Variants in SPAG16 observed in about 807,000 individuals in gnomAD.
The protein encoded by SPAG16 is sperm associated antigen 16, also known as sperm-associated antigen 16 protein.
In SPAG16, 86 loss-of-function variants were observed where a neutral mutation model predicts 80.4. That is an observed-to-expected ratio of 1.07 (90% CI 0.90 to 1.28). SPAG16 has a LOEUF of 1.28. SPAG16 is among the 50% of genes most tolerant of loss of function. The probability of loss-of-function intolerance (pLI) is 0.00; values close to 1 mark genes in which losing one functional copy is unlikely to be tolerated. For synonymous variants in SPAG16, 294 were observed against 265.9 expected (o/e 1.11, Z -1.03); for missense variants, 870 against 765.3 (o/e 1.14, Z -1.61).
In SPAG16 at chr2:214,034,804, C is replaced by T. The variant is rs577706740; in HGVS notation, c.1527+20727C>T. On this transcript the variant is annotated intron_variant, in intron 13 of 15. Coordinates refer to ENST00000331683, the MANE Select transcript of SPAG16 (RefSeq NM_024532.5). ...CTTAAGGAGCTCCTAGGTCTGGGCTCCCCTAAGGGCTGCAGATCTTCTCTC... is the reference window on the plus strand; with the variant it reads ...CTTAAGGAGCTCCTAGGTCTGGGCTTCCCTAAGGGCTGCAGATCTTCTCTC... Among the ~76,000 whole-genome samples, 6 of 152,272 alleles carry T rather than the reference C, an allele frequency of 3.9e-5. No individual in the cohort carries two copies. In the East Asian group the frequency reaches 9.7e-4, roughly 25 times the overall value.
chr2:214,169,138 C>T (rs1056093098), intron 15 of SPAG16, among the ~76,000 whole-genome samples: 5 of 151,896 alleles, frequency 3.3e-5, no homozygotes, highest in East Asian at 1.9e-4. Context: ...TGTTATATCA[C>T]GTAACTCATA....
At chr2:214,231,330 T>A (rs1030007905) in intron 15 of SPAG16, among the ~76,000 whole-genome samples, 3 of 152,034 alleles carry the variant, frequency 2.0e-5, no homozygotes, top group Non-Finnish European at 4.4e-5. Context: ...TGCATGTCTA[T>A]TATGACATGT....
rs148037912 is a variant in SPAG16 at position 214,108,744 on chromosome 2, C to T, written c.1593+483C>T. Among the ~76,000 whole-genome samples the T allele has an allele frequency of 3.5e-3, 537 of 152,246 alleles. 3 individuals are homozygous for T. The highest frequency in any genetic ancestry group is 0.017 in the Middle Eastern group (5 of 294). ...GAACAGAACAGCTTTGATTTGACAGCTTTTTAATTACTCATGGAAAAGTTT... is the reference window on the plus strand; with the variant it reads ...GAACAGAACAGCTTTGATTTGACAGTTTTTTAATTACTCATGGAAAAGTTT... On this transcript the variant is annotated intron_variant, in intron 14 of 15. Coordinates refer to ENST00000331683, the MANE Select transcript of SPAG16 (RefSeq NM_024532.5).
chr2:214,010,976 A>G (rs1347795168), intron 12 of SPAG16, among the ~76,000 whole-genome samples: 1 of 145,946 alleles, frequency 6.9e-6, no homozygotes, highest in Non-Finnish European at 1.5e-5. Context: ...ATTTTTCTTA[A>G]TGTTATCTTT....
chr2:213,868,547 A>G (rs2105974158), intron 11 of SPAG16, among the ~76,000 whole-genome samples: 1 of 152,322 alleles, frequency 6.6e-6, no homozygotes, highest in South Asian at 2.1e-4. Context: ...CCTACACCAG[A>G]CGACTGCTTC....
At chr2:213,790,047 C>G (rs2070592147) in intron 10 of SPAG16, among the ~76,000 whole-genome samples, 1 of 151,848 alleles carries the variant, frequency 6.6e-6, no homozygotes, top group South Asian at 2.1e-4. Flanking sequence ...TATTATTCAA[C>G]TTGATTATTG....
At chr2:213,789,305 T>C (rs1189433116) in intron 10 of SPAG16, among the ~76,000 whole-genome samples, 1 of 151,948 alleles carries the variant, frequency 6.6e-6, no homozygotes, top group Non-Finnish European at 1.5e-5. Context: ...GGTCTTGATG[T>C]TTTATCAGCA....
chr2:214,144,651 A>G (rs2125550078), intron 14 of SPAG16, among the ~76,000 whole-genome samples: 1 of 152,272 alleles, frequency 6.6e-6, no homozygotes, highest in African/African-American at 2.4e-5. Context: ...TAACTCTTTG[A>G]CAACAGAATA....
At chr2:213,701,407 G>T (rs1389582419) in intron 10 of SPAG16, among the ~76,000 whole-genome samples, 1 of 152,124 alleles carries the variant, frequency 6.6e-6, no homozygotes, top group Non-Finnish European at 1.5e-5. Context: ...CGTGCTAGCA[G>T]CCCTCACTCA....
At chr2:213,289,043 T>C (rs1294390380) in intron 1 of SPAG16, among the ~76,000 whole-genome samples, 1 of 152,228 alleles carries the variant, frequency 6.6e-6, no homozygotes. Flanking sequence ...CTCTGTGTCC[T>C]TTAGTCAGGC....
chr2:214,318,067 T>A (rs1695815894), intron 15 of SPAG16, among the ~76,000 whole-genome samples: 1 of 152,218 alleles, frequency 6.6e-6, no homozygotes. Flanking sequence ...TGGTTCTTTT[T>A]AAAGATAGTT....
At chr2:214,169,647 A>G (rs1180322003) in intron 15 of SPAG16, among the ~76,000 whole-genome samples, 1 of 152,108 alleles carries the variant, frequency 6.6e-6, no homozygotes, top group Non-Finnish European at 1.5e-5. Flanking sequence ...ATGGTAATAC[A>G]TATTCTCTTC....
At chr2:214,366,880 GC>G (rs2126080687) in intron 15 of SPAG16, among the ~76,000 whole-genome samples, 1 of 152,122 alleles carries the variant, frequency 6.6e-6, no homozygotes, top group South Asian at 2.1e-4. Context: ...CATGAATGCT[GC>G]CCCCAAGTAA....
intron 12 of SPAG16, among the ~76,000 whole-genome samples, 177 bp downstream of exon 12, chr2:213,930,322 T>A (rs2078695647): frequency 6.6e-6 from 1 of 152,178 alleles, no homozygotes; most frequent in South Asian, 2.1e-4. Flanking sequence ...CATTTCTAAC[T>A]CCATTAATCT....
intron 10 of SPAG16, among the ~76,000 whole-genome samples, chr2:213,648,593 C>A (rs2062909827): frequency 7.8e-6 from 1 of 127,546 alleles, no homozygotes; most frequent in African/African-American, 3.0e-5. Flanking sequence ...TAGGCACACA[C>A]AGACACACAC....
chr2:213,499,275 C>A (rs1420574611), intron 10 of SPAG16, among the ~76,000 whole-genome samples: 1 of 152,118 alleles, frequency 6.6e-6, no homozygotes, highest in East Asian at 1.9e-4. Flanking sequence ...GAGCTCCTTT[C>A]TGTTCTCTTG....
At chr2:214,094,756 T>A (rs1403108445) in intron 13 of SPAG16, among the ~76,000 whole-genome samples, 2 of 152,122 alleles carry the variant, frequency 1.3e-5, no homozygotes, top group African/African-American at 4.8e-5. Flanking sequence ...ACAGTTGTTA[T>A]TCTGTGCCTG....
intron 10 of SPAG16, among the ~76,000 whole-genome samples, chr2:213,535,317 A>G (rs981611985): frequency 1.3e-5 from 2 of 152,142 alleles, no homozygotes; most frequent in African/African-American, 4.8e-5. Context: ...ATATTAAAAC[A>G]TTTAAATAAC....
chr2:214,158,271 C>T (rs140981387), intron 15 of SPAG16, among the ~76,000 whole-genome samples: 25 of 152,040 alleles, frequency 1.6e-4, no homozygotes, highest in African/African-American at 5.1e-4. Context: ...TTAAATGCTC[C>T]TCTATGCTAT....
Sources: allele counts gnomAD v4.1 joint callset (sites outside exome capture counted in the v4.1 genomes callset), GRCh38; gene constraint gnomAD v4.1.1; transcripts MANE v1.5; gene names NCBI Gene and HGNC (gene_info 2026-07-23, HGNC 2026-07-21).